Variants in ATAD3B observed in about 807,000 individuals in gnomAD.
ATAD3B encodes the protein ATPase family AAA domain containing 3B.
In ATAD3B, 59 loss-of-function variants were observed where a neutral mutation model predicts 70.2. The observed-to-expected ratio is 0.84, with a 90% CI of 0.68 to 1.04. ATAD3B has a LOEUF of 1.04. ATAD3B is among the 50% of genes least tolerant of loss of function. The probability of loss-of-function intolerance (pLI) is 0.00; values close to 1 mark genes in which losing one functional copy is unlikely to be tolerated. For synonymous variants in ATAD3B, 423 were observed against 388.6 expected, an observed-to-expected ratio of 1.09 and a Z score of -1.04; for missense variants, 961 against 913.4, an observed-to-expected ratio of 1.05 and a Z score of -0.67.
At chr1:1,498,604 CTCTT>C (rs1396460761), downstream of ATAD3B, among the ~76,000 whole-genome samples, 2 of 151,968 alleles carry the variant, frequency 1.3e-5, no homozygotes, top group East Asian at 1.9e-4. Flanking sequence ...GACGGGGTCT[CTCTT>C]TGTTGCCTAG....
intron 7 of ATAD3B, 133 bp downstream of exon 7, chr1:1,482,747 T>G: frequency 2.8e-6 from 4 of 1,438,754 alleles, no homozygotes; most frequent in Non-Finnish European, 3.8e-6. Flanking sequence ...AAACCCACGT[T>G]GTACCTGCTG....
chr1:1,498,476 A>G (rs949913263), downstream of ATAD3B, among the ~76,000 whole-genome samples: 3 of 151,826 alleles, frequency 2.0e-5, no homozygotes, highest in Non-Finnish European at 4.4e-5. Flanking sequence ...AAATTAAAAA[A>G]TAAAAATAAA....
At chr1:1,501,929 A>G (rs780127021), downstream of ATAD3B, among the ~76,000 whole-genome samples, 2 of 151,194 alleles carry the variant, frequency 1.3e-5, no homozygotes, top group Non-Finnish European at 2.9e-5. Flanking sequence ...CCGAGGCTGG[A>G]GTATAGTGTC....
rs1354626235 is a variant in ATAD3B, at chr1:1,496,135, G to C, written c.*318G>C. On this transcript the variant is annotated 3_prime_UTR_variant, in exon 16 of 16. Transcript: ENST00000673477. ...AGGGGTGTCTGAGGCCGCCCTGTCA[G>C]CTGGCCGGTCCAAGCCTGTGGCTGG... 9.8e-6 allele frequency: 11 copies of C among 1,123,154 alleles called. No individual in the cohort carries two copies. In the East Asian group the frequency reaches 5.5e-4, roughly 56 times the overall value. 69.6% of individuals were successfully genotyped at this position (1,123,154 alleles called of 1,614,324 possible). A position where few individuals can be genotyped will look rare whatever the true frequency, so the allele number is the denominator to read the frequency against.
downstream of ATAD3B, among the ~76,000 whole-genome samples, chr1:1,499,500 G>A (rs1431196174): frequency 6.6e-6 from 1 of 151,842 alleles, no homozygotes; most frequent in Non-Finnish European, 1.5e-5. Context: ...CCAAAGTGCT[G>A]GGATTACAGG....
At chr1:1,476,814 AT>A (rs912803787) in intron 1 of ATAD3B, among the ~76,000 whole-genome samples, 6 of 145,514 alleles carry the variant, frequency 4.1e-5, no homozygotes, top group Non-Finnish European at 6.1e-5. Flanking sequence ...TGCTAGAATA[AT>A]TTTTTTTTAG....
At chr1:1,504,990 G>A in the ATAD3B span, among the ~76,000 whole-genome samples, 3 of 152,108 alleles carry the variant, frequency 2.0e-5, no homozygotes, top group Admixed American at 6.6e-5. Context: ...CCACAGGTTC[G>A]GTGGGTTTTC....
Position 1,495,688 on chromosome 1 carries a change from C to T in ATAD3B, c.1818C>T (p.Cys606=), listed in dbSNP as rs1437370952. ...TGGCCACGGACCCCTCCTACCCCTG[C>T]CTTGCCGGCCCCTGCACATTTAGGA... ...WSLATDPSYP[C]LAGPCTFRIC... is the part of the protein sequence containing the mutation. Residue 606 remains cysteine, a synonymous_variant, in exon 16 of 16, where the codon TGC becomes TGT. Coordinates refer to ENST00000673477, the MANE Select transcript of ATAD3B (RefSeq NM_031921.6). The T allele has an allele frequency of 1.9e-6, 3 of 1,613,040 alleles. No homozygotes were observed. In the Admixed American group the frequency reaches 5.0e-5, roughly 27 times the overall value.
intron 15 of ATAD3B, among the ~76,000 whole-genome samples, chr1:1,493,177 A>G (rs576152316): frequency 2.0e-5 from 3 of 152,060 alleles, no homozygotes; most frequent in South Asian, 2.1e-4. Context: ...TTTTCTACAC[A>G]TAAGATTATG....
rs559869418 is a variant in ATAD3B at position 1,480,706 on chromosome 1, C to T, written c.445-161C>T. Among the ~76,000 whole-genome samples, 4 of 147,470 alleles carry T rather than the reference C, an allele frequency of 2.7e-5. 1 individual carries two copies. The highest frequency in any genetic ancestry group is 7.6e-5 in the African/African-American group (3 of 39,556). On this transcript the variant is annotated intron_variant, in intron 4 of 15. Coordinates refer to ENST00000673477, the MANE Select transcript of ATAD3B (RefSeq NM_031921.6). ...TCCCCTCAGTGACTGCCGTCCCAGC[C>T]GATGTCACCCGTGTCTGTGTCAGGG...
rs561967668 is a variant in ATAD3B at position 1,488,965 on chromosome 1, G to T, written c.1267-239G>T. 7.8e-4 allele frequency among the ~76,000 whole-genome samples: 119 copies of T among 151,972 alleles called. 4 individuals carry two copies. The highest frequency in any genetic ancestry group is 3.3e-3 in the Admixed American group (50 of 15,216). On this transcript the variant is annotated intron_variant, in intron 12 of 15. Transcript: ENST00000673477. Reference sequence around the variant, plus strand: ...TCTAGTACAGATGGGGTCTCACCATGTTGGCCAGGCTGGTCTCAAACTCCC... The same window carrying T: ...TCTAGTACAGATGGGGTCTCACCATTTTGGCCAGGCTGGTCTCAAACTCCC...
In ATAD3B at chr1:1,486,196, G is replaced by A. The variant is rs772937046; in HGVS notation, c.1050G>A (p.Leu350=). ...KNRGLYRHIL[L]YGPPGTGKTL... Reference sequence around the variant, plus strand: ...GGGGCCTGTACAGGCACATCCTGCTGTATGGGCCACCAGGCACCGGGAAGA... The same window carrying A: ...GGGGCCTGTACAGGCACATCCTGCTATATGGGCCACCAGGCACCGGGAAGA... The change falls in exon 10 of 16, where the codon CTG becomes CTA. Residue 350 remains leucine (L), a synonymous_variant. Transcript: ENST00000673477. The A allele has an allele frequency of 2.5e-6, 4 of 1,613,224 alleles. No individual in the cohort carries two copies. Among genetic ancestry groups the A allele is most frequent in the East Asian group, 4.5e-5 (2 of 44,870 alleles).
At chr1:1,489,360 G>A (rs1272019788) in intron 13 of ATAD3B, 86 bp downstream of exon 13, 4 of 1,597,502 alleles carry the variant, frequency 2.5e-6, no homozygotes, top group African/African-American at 1.3e-5. Context: ...CTGGCTCACA[G>A]TGCTGGGCAC....
chr1:1,484,760 C>T (rs571296243), intron 7 of ATAD3B: 66 of 1,046,978 alleles, frequency 6.3e-5, no homozygotes, highest in South Asian at 4.1e-4. Flanking sequence ...GCTCAGCGAC[C>T]GAGGCTTTCT....
the ATAD3B span, chr1:1,509,420 G>A: frequency 9.2e-5 from 146 of 1,594,902 alleles, no homozygotes; most frequent in Non-Finnish European, 1.1e-4. Context: ...TTGCGGCCCC[G>A]CACATTTAGG....
At chr1:1,479,492 C>A (rs1639785035) in intron 4 of ATAD3B, among the ~76,000 whole-genome samples, 2 of 142,174 alleles carry the variant, frequency 1.4e-5, no homozygotes, top group Non-Finnish European at 3.1e-5. Flanking sequence ...GCACACACCC[C>A]TACACAGGGG....
At chr1:1,490,800 C>T (rs527898756) in intron 15 of ATAD3B, 129 bp downstream of exon 15, 78 of 1,477,802 alleles carry the variant, frequency 5.3e-5, no homozygotes, top group Admixed American at 2.4e-4. Flanking sequence ...AGTGCACAGA[C>T]GTGACACAGG....
Position 1,474,412 on chromosome 1 carries a change from G to C in ATAD3B, c.205+2323G>C, listed in dbSNP as rs183171394. Among the ~76,000 whole-genome samples, 386 of 151,144 alleles carry C rather than the reference G, an allele frequency of 2.6e-3. 4 individuals carry two copies. Among genetic ancestry groups the C allele is most frequent in the African/African-American group, 8.9e-3 (365 of 41,228 alleles). ...TCACCATGTTAGCCAGAATGGTCTCGATCTCCTGACCCCGTGATCCACCCG... is the reference window on the plus strand; with the variant it reads ...TCACCATGTTAGCCAGAATGGTCTCCATCTCCTGACCCCGTGATCCACCCG... On this transcript the variant is annotated intron_variant, in intron 1 of 15. Coordinates refer to ENST00000673477, the MANE Select transcript of ATAD3B (RefSeq NM_031921.6).
chr1:1,477,403 G>T (rs919861152), intron 2 of ATAD3B, 53 bp downstream of exon 2: 1 of 1,609,146 alleles, frequency 6.2e-7, no homozygotes, highest in Admixed American at 1.7e-5. Context: ...GGGTTCAGGC[G>T]TGGAGATTGG....
Sources: allele counts gnomAD v4.1 joint callset (sites outside exome capture counted in the v4.1 genomes callset), GRCh38; gene constraint gnomAD v4.1.1; transcripts MANE v1.5; gene names NCBI Gene and HGNC (gene_info 2026-07-23, HGNC 2026-07-21).